PTGES3L: variants seen among roughly 807,000 people sequenced by gnomAD.
PTGES3L encodes prostaglandin E synthase 3 like.
A neutral mutation model predicts 25.0 loss-of-function variants in PTGES3L; 17 were observed. That is an observed-to-expected ratio of 0.68 (90% confidence interval 0.47 to 1.02). The LOEUF (loss-of-function observed/expected upper bound fraction) is 1.02, where lower values mean the gene tolerates loss of function less well. Ranked by LOEUF, PTGES3L falls within the 50% of genes least tolerant of loss-of-function variation. The probability of loss-of-function intolerance (pLI) is 0.00; values close to 1 mark genes in which losing one functional copy is unlikely to be tolerated. For synonymous variants in PTGES3L, 59 were observed against 65.7 expected (o/e 0.90, Z 0.50); for missense variants, 202 against 197.5 (o/e 1.02, Z -0.14).
chr17:42,973,367 G>A (rs2049892865), intron 4 of PTGES3L, among the ~76,000 whole-genome samples: 2 of 5,724 alleles, frequency 3.5e-4, no homozygotes. Context: ...CGGGAGGGAA[G>A]TGGGGGGGGT....
chr17:42,979,194 C>G lies in PTGES3L; in HGVS notation c.264G>C (p.Pro88=), dbSNP rs150067657. The change falls in exon 4 of 7, where the codon CCG becomes CCC. Residue 88 remains proline, a synonymous_variant. Coordinates refer to ENST00000591916, the MANE Select transcript of PTGES3L (RefSeq NM_001261430.2). ...VRKWKEKVAW[P]RLTKEDIKPV... The stretch of plus-strand genomic sequence containing the variant: ...CCTTGATATCCTCCTTGGTAAGCCG[C>G]GGCCAGGCCACCTTTTCCTTCCATT... 6.8e-6 allele frequency: 11 copies of G among 1,614,116 alleles called. No individual in the cohort carries two copies. In the East Asian group the frequency reaches 2.2e-4, roughly 33 times the overall value.
chr17:42,972,941 C>T (rs1172485684), intron 4 of PTGES3L, among the ~76,000 whole-genome samples: 2 of 149,526 alleles, frequency 1.3e-5, no homozygotes, highest in South Asian at 2.2e-4. Context: ...GGCCACCCAT[C>T]GTCTGAGATG....
chr17:42,970,848 C>G (rs2049824092), intron 5 of PTGES3L, among the ~76,000 whole-genome samples: 1 of 149,658 alleles, frequency 6.7e-6, no homozygotes, highest in Admixed American at 6.7e-5. Context: ...ACCAAAAATA[C>G]AAAAAAAAAT....
chr17:42,979,757 G>T (rs2050040316), intron 1 of PTGES3L, 94 bp from the exon 2 acceptor site: 2 of 1,508,856 alleles, frequency 1.3e-6, no homozygotes, highest in South Asian at 1.2e-5. Context: ...TGATGCCACA[G>T]TTTTTTCAAA....
At chr17:42,970,674 G>GCGCACACACACA (rs946645471) in intron 5 of PTGES3L, among the ~76,000 whole-genome samples, 3 of 105,606 alleles carry the variant, frequency 2.8e-5, no homozygotes, top group Non-Finnish European at 5.9e-5. Context: ...GGCTTAACAC[G>GCGCACACACACA]CGCACACACA....
chr17:42,975,964 C>T (rs534316431), intron 4 of PTGES3L, among the ~76,000 whole-genome samples: 186 of 151,814 alleles, frequency 1.2e-3, no homozygotes, highest in Non-Finnish European at 2.0e-3. Context: ...CACGAGCCAC[C>T]GAACCTGGCT....
intron 4 of PTGES3L, among the ~76,000 whole-genome samples, chr17:42,975,942 T>A (rs2049946275): frequency 6.6e-6 from 1 of 152,052 alleles, no homozygotes; most frequent in Non-Finnish European, 1.5e-5. Context: ...TCCAAAGTGC[T>A]GGGATTACAG....
At chr17:42,974,594 GA>G (rs1208638291) in intron 4 of PTGES3L, among the ~76,000 whole-genome samples, 1 of 151,284 alleles carries the variant, frequency 6.6e-6, no homozygotes, top group African/African-American at 2.4e-5. Flanking sequence ...CCAACATGGT[GA>G]AACCCCATCT....
At chr17:42,979,788 A>C in intron 1 of PTGES3L, 125 bp from the exon 2 acceptor site, 3 of 1,433,702 alleles carry the variant, frequency 2.1e-6, no homozygotes, top group Admixed American at 2.1e-5. Flanking sequence ...ATGAGACAGA[A>C]GGGGTGAAAG....
chr17:42,975,598 G>A (rs539625895), intron 4 of PTGES3L, among the ~76,000 whole-genome samples: 1 of 152,278 alleles, frequency 6.6e-6, no homozygotes, highest in Non-Finnish European at 1.5e-5. Flanking sequence ...CAAGTGAGGT[G>A]AAGTACATGA....
At chr17:42,974,933 G>A (rs539836094) in intron 4 of PTGES3L, among the ~76,000 whole-genome samples, 11 of 151,788 alleles carry the variant, frequency 7.2e-5, no homozygotes, top group African/African-American at 2.4e-4. Flanking sequence ...CCAGGGGTTC[G>A]AGACCAGCCT....
intron 4 of PTGES3L, among the ~76,000 whole-genome samples, chr17:42,975,241 G>C (rs1291776874): frequency 6.6e-6 from 1 of 152,078 alleles, no homozygotes; most frequent in Non-Finnish European, 1.5e-5. Context: ...GAAAAGTGTG[G>C]TGGTGGAGTT....
chr17:42,979,481 T>G (rs754073656), intron 2 of PTGES3L, 37 bp from the exon 3 acceptor site: 1 of 1,614,122 alleles, frequency 6.2e-7, no homozygotes, highest in Admixed American at 1.7e-5. Flanking sequence ...TGCGGAATAC[T>G]CCGTGTGGGG....
At position 42,978,100 on chromosome 17, in the gene PTGES3L, A is replaced by AAAC. The variant is rs377110391; in HGVS notation, c.288+1069_288+1070insGTT. ...ATCAAAAAAAAAAAAAAAAAAAAAA[A>AAAC]CAGAAAGAAAAAAGAAAAAGAAATG... On this transcript the variant is annotated intron_variant, in intron 4 of 6. Transcript: ENST00000591916. Among the ~76,000 whole-genome samples the AAAC allele has an allele frequency of 1.2e-3, 170 of 142,392 alleles. 2 individuals carry two copies. Among genetic ancestry groups the AAAC allele is most frequent in the Non-Finnish European group, 2.2e-3 (144 of 64,952 alleles). The allele number at this position is 142,392 out of a possible 152,430, so 93.4% of individuals were successfully genotyped here. A position where few individuals can be genotyped will look rare whatever the true frequency, so the allele number is the denominator to read the frequency against.
chr17:42,977,562 C>T (rs970493001), intron 4 of PTGES3L, among the ~76,000 whole-genome samples: 2 of 148,220 alleles, frequency 1.3e-5, no homozygotes, highest in African/African-American at 5.0e-5. Flanking sequence ...CGAGATGGCG[C>T]CATTGCACTC....
chr17:42,979,608 A>C lies in PTGES3L; in HGVS notation c.64T>G (p.Cys22Gly). 1 of 1,614,172 alleles carries C rather than the reference A, an allele frequency of 6.2e-7. No individual in the cohort carries two copies. Among genetic ancestry groups the C allele is most frequent in the East Asian group, 2.2e-5 (1 of 44,890 alleles). The part of the protein sequence containing the change: ...DRPRYVFMEF[C>G]VEDSTDVHVL... ...TGGACATCGGTGCTGTCCTCAACAC[A>C]AAACTCCATGAACACATACCTGGGC... Residue 22 changes from cysteine (C) to glycine (G), a missense_variant, in exon 2 of 7, where the codon TGT (cysteine) becomes GGT (glycine). Transcript: ENST00000591916.
intron 1 of PTGES3L, 76 bp from the exon 2 acceptor site, chr17:42,979,739 G>C: frequency 3.2e-6 from 5 of 1,541,604 alleles, no homozygotes; most frequent in Non-Finnish European, 4.4e-6. Context: ...GGACTACCCA[G>C]GGACCTTTGA....
chr17:42,970,542 G>T (rs1319495092), intron 5 of PTGES3L, among the ~76,000 whole-genome samples, 200 bp from the exon 6 acceptor site: 1 of 152,156 alleles, frequency 6.6e-6, no homozygotes, highest in Non-Finnish European at 1.5e-5. Flanking sequence ...CCAGATTGGA[G>T]TCGGCTAGTG....
chr17:42,971,534 C>T, intron 5 of PTGES3L, 73 bp downstream of exon 5: 2 of 1,559,488 alleles, frequency 1.3e-6, no homozygotes, highest in Non-Finnish European at 1.8e-6. Flanking sequence ...AGTGACAATC[C>T]TCCAGAGACA....
Sources: gnomAD v4.1 joint callset for allele counts (sites outside exome capture counted in the v4.1 genomes callset) on GRCh38, gnomAD v4.1.1 for gene constraint, MANE v1.5 for transcripts, NCBI Gene and HGNC (gene_info 2026-07-23, HGNC 2026-07-21) for gene names.